Variants in WNK1 observed in about 807,000 individuals in gnomAD.
WNK1 encodes serine/threonine-protein kinase WNK1.
Under a neutral mutation model 222.8 loss-of-function variants are expected in WNK1, and 38 were observed. The ratio of observed to expected loss-of-function variants is 0.17; its 90% CI spans 0.13 to 0.22. The LOEUF is 0.22. Among genes scored for constraint, WNK1 ranks in the 10% least tolerant of loss-of-function variants. WNK1 has a pLI of 1.00. For synonymous variants in WNK1, 1,090 were observed against 1,092.9 expected, an observed-to-expected ratio of 1.00 and a Z score of 0.05; for missense variants, 2,348 against 2,918.4, an observed-to-expected ratio of 0.80 and a Z score of 4.50.
chr12:785,648 C>T (rs1464128414), intron 1 of WNK1, among the ~76,000 whole-genome samples: 1 of 152,206 alleles, frequency 6.6e-6, no homozygotes, highest in African/African-American at 2.4e-5. Flanking sequence ...CCACCCGCCT[C>T]AGCCTCCCAA....
chr12:886,456 AGAATGAAGCAAATT>A (rs996478715), intron 19 of WNK1, among the ~76,000 whole-genome samples: 1 of 152,236 alleles, frequency 6.6e-6, no homozygotes, highest in African/African-American at 2.4e-5. Context: ...TGTTTCAGTG[AGAATGAAGCAAATT>A]TTTGGTTTTG....
At chr12:793,377 A>G (rs1276997187) in intron 1 of WNK1, among the ~76,000 whole-genome samples, 1 of 152,228 alleles carries the variant, frequency 6.6e-6, no homozygotes, top group Non-Finnish European at 1.5e-5. Flanking sequence ...GGTTCTCCTA[A>G]TTAATGTAAA....
Position 911,183 on chromosome 12 carries a change from T to TTGTG in WNK1, c.*2393_*2396dup. ...TGCTACTGAACTGTTTAAATTATTT[T>TTGTG]TGTGTTAATAGTACACTTTGAGTAT... On this transcript the variant is annotated 3_prime_UTR_variant, in exon 28 of 28. Coordinates refer to ENST00000315939, the MANE Select transcript of WNK1 (RefSeq NM_018979.4). The TTGTG allele has an allele frequency of 2.5e-6, 1 of 397,754 alleles. No individual in the cohort carries two copies. The highest frequency in any genetic ancestry group is 4.4e-6 in the Non-Finnish European group (1 of 225,802). The allele number at this position is 397,754 out of a possible 1,614,324, so 24.6% of individuals were successfully genotyped here. A position where few individuals can be genotyped will look rare whatever the true frequency, so the allele number is the denominator to read the frequency against.
At position 878,366 on chromosome 12, in the gene WNK1, A is replaced by G; in HGVS notation, c.2373+5A>G. On this transcript the variant is annotated splice_donor_5th_base_variant and intron_variant, in intron 10 of 27. Transcript: ENST00000315939. ...CAAGTATCAGCTGGAAAACAGGTAA[A>G]CTTTTTTTTTTTTTTTAAACAGGTA... 1 of 1,550,814 alleles carries G rather than the reference A, an allele frequency of 6.4e-7. No homozygotes were observed. The highest frequency in any genetic ancestry group is 8.7e-7 in the Non-Finnish European group (1 of 1,150,276).
At chr12:896,876 T>TA in intron 24 of WNK1, 144 bp downstream of exon 24, 1 of 610,896 alleles carries the variant, frequency 1.6e-6, no homozygotes, top group Non-Finnish European at 2.7e-6. Flanking sequence ...CCCCACCCCA[T>TA]ACCTCCCCAC....
intron 4 of WNK1, among the ~76,000 whole-genome samples, chr12:855,090 T>C (rs2154059020): frequency 6.6e-6 from 1 of 152,366 alleles, no homozygotes; most frequent in South Asian, 2.1e-4. Context: ...TTCATTTTTT[T>C]CTTGCATTTC....
chr12:881,372 T>C (rs55979248), intron 12 of WNK1: 1 of 455,948 alleles, frequency 2.2e-6, no homozygotes, highest in Admixed American at 3.4e-5. Context: ...TCTGAATTCA[T>C]CTTTGTACTA....
At chr12:813,536 A>T in intron 1 of WNK1, 106 bp from the exon 2 acceptor site, 1 of 1,235,330 alleles carries the variant, frequency 8.1e-7, no homozygotes. Context: ...TGCATTTTTT[A>T]AACACCATCG....
In WNK1 at chr12:889,805, C is replaced by T. The variant is rs145295090; in HGVS notation, c.5448+582C>T. Reference sequence around the variant, plus strand: ...CTGCAGTCCAGCCTGTGTGACAGAGCGAGACTCCATCTCAAAAATAATAAT... The same window carrying T: ...CTGCAGTCCAGCCTGTGTGACAGAGTGAGACTCCATCTCAAAAATAATAAT... On this transcript the variant is annotated intron_variant, in intron 21 of 27. Coordinates refer to ENST00000315939, the MANE Select transcript of WNK1 (RefSeq NM_018979.4). Among the ~76,000 whole-genome samples the T allele has an allele frequency of 4.2e-3, 639 of 152,102 alleles. 6 individuals are homozygous for T. Among genetic ancestry groups the T allele is most frequent in the South Asian group, 0.032 (156 of 4,806 alleles).
rs1235033568 is a variant in WNK1, at chr12:881,944, T to C, written c.3243T>C (p.Asp1081=). Residue 1081 remains aspartate, a synonymous_variant, in exon 14 of 28, where the codon GAT becomes GAC. Coordinates refer to ENST00000315939, the MANE Select transcript of WNK1 (RefSeq NM_018979.4). ...CAGATGTTGCTTCAGGTATGAGTGA[T>C]GGCAATGAGAACGTCCCATCTTCCA... ...AHSDVASGMS[D]GNENVPSSSG... The C allele has an allele frequency of 2.5e-6, 4 of 1,614,098 alleles. No individual in the cohort carries two copies. In the African/African-American group the frequency reaches 5.3e-5, roughly 22 times the overall value.
intron 4 of WNK1, among the ~76,000 whole-genome samples, chr12:856,283 A>G (rs11064571): frequency 0.13 from 18,990 of 151,572 alleles, 1,469 homozygotes; most frequent in Middle Eastern, 0.2. Context: ...CCCCCATCCC[A>G]TCTGTACTAA....
intron 1 of WNK1, among the ~76,000 whole-genome samples, chr12:792,308 CTTTT>C (rs35838951): frequency 2.5e-4 from 22 of 89,058 alleles, no homozygotes; most frequent in African/African-American, 8.8e-4. Flanking sequence ...TACTGTTATT[CTTTT>C]TTTTTTTTTT....
intron 9 of WNK1, among the ~76,000 whole-genome samples, chr12:876,633 G>T (rs77782423): frequency 6.6e-6 from 1 of 152,148 alleles, no homozygotes; most frequent in Non-Finnish European, 1.5e-5. Flanking sequence ...TATACCAGCA[G>T]TAACCAATTA....
rs1291621330 is a variant in WNK1, at chr12:758,221, A to G, written c.759+3897A>G. ...AAATCATATTTTTGTTGAAGCTCCA[A>G]TATACTTAACTGCTTATTTTTCTCT... On this transcript the variant is annotated intron_variant, in intron 1 of 27. Transcript: ENST00000315939. Among the ~76,000 whole-genome samples, 2 of 146,026 alleles carry G rather than the reference A, an allele frequency of 1.4e-5. 1 individual carries two copies. Among genetic ancestry groups the G allele is most frequent in the Non-Finnish European group, 3.0e-5 (2 of 65,684 alleles).
chr12:871,092 C>A (rs1048505315), intron 8 of WNK1, among the ~76,000 whole-genome samples, 173 bp from the exon 9 acceptor site: 2 of 152,160 alleles, frequency 1.3e-5, no homozygotes, highest in African/African-American at 4.8e-5. Context: ...TGATCCTTTT[C>A]TAAATTTTTC....
In WNK1 at chr12:896,420, C is replaced by G; in HGVS notation, c.5933C>G (p.Ser1978Cys). ...ACAAAGAAAGAAGGACCAGTGGCATCTCCTCCTTTTATGGATTTGGAACAA... is the reference window on the plus strand; with the variant it reads ...ACAAAGAAAGAAGGACCAGTGGCATGTCCTCCTTTTATGGATTTGGAACAA... ...TDTKKEGPVA[S>C]PPFMDLEQAV... Residue 1978 changes from serine to cysteine, a missense_variant, in exon 24 of 28, where the codon TCT becomes TGT. By Grantham distance (112) the Ser-to-Cys change is moderately radical. Coordinates refer to ENST00000315939, the MANE Select transcript of WNK1 (RefSeq NM_018979.4). 6.2e-6 allele frequency: 10 copies of G among 1,614,094 alleles called. No homozygotes were observed. The highest frequency in any genetic ancestry group is 1.3e-5 in the African/African-American group (1 of 74,998).
At chr12:759,083 A>G (rs1940636366) in intron 1 of WNK1, among the ~76,000 whole-genome samples, 1 of 147,114 alleles carries the variant, frequency 6.8e-6, no homozygotes, top group African/African-American at 2.4e-5. Context: ...ACATTCAACT[A>G]AAACTGGGCT....
chr12:772,984 G>A (rs990196833), intron 1 of WNK1, among the ~76,000 whole-genome samples: 7 of 152,186 alleles, frequency 4.6e-5, no homozygotes, highest in Non-Finnish European at 2.9e-5. Flanking sequence ...GAGGAGCTGG[G>A]CACGGTGGCT....
intron 10 of WNK1, among the ~76,000 whole-genome samples, chr12:879,136 A>G (rs1229953092): frequency 2.0e-5 from 3 of 152,180 alleles, no homozygotes; most frequent in Non-Finnish European, 2.9e-5. Context: ...TACGAATGAA[A>G]TCTTAATTCC....
Sources: gnomAD v4.1 joint callset for allele counts (sites outside exome capture counted in the v4.1 genomes callset) on GRCh38, gnomAD v4.1.1 for gene constraint, MANE v1.5 for transcripts, NCBI Gene and HGNC (gene_info 2026-07-23, HGNC 2026-07-21) for gene names.